GSE1: variants seen among roughly 807,000 people sequenced by gnomAD.
GSE1 encodes Gse1 coiled-coil protein.
GSE1 carries 32 observed loss-of-function variants against 112.6 expected under a neutral mutation model. The observed-to-expected ratio is 0.28, with a 90% CI of 0.21 to 0.38. GSE1 has a LOEUF of 0.38. Ranked by LOEUF, GSE1 falls within the 10% of genes least tolerant of loss-of-function variation. The probability of loss-of-function intolerance (pLI) is 1.00; values close to 1 mark genes in which losing one functional copy is unlikely to be tolerated. For synonymous variants in GSE1, 1,115 were observed against 735.6 expected, an observed-to-expected ratio of 1.52 and a Z score of -8.35; for missense variants, 2,348 against 1,699.2, an observed-to-expected ratio of 1.38 and a Z score of -6.71.
At chr16:85,522,832 G>C (rs930661151) in intron 2 of GSE1, among the ~76,000 whole-genome samples, 3 of 152,056 alleles carry the variant, frequency 2.0e-5, no homozygotes, top group African/African-American at 7.2e-5. Context: ...AGTGTCAGGA[G>C]TGAGTATGTT....
intron 1 of GSE1, among the ~76,000 whole-genome samples, chr16:85,175,913 C>G (rs141929224): frequency 2.0e-5 from 3 of 152,206 alleles, no homozygotes; most frequent in Non-Finnish European, 2.9e-5. Flanking sequence ...GCTAGTAACC[C>G]CAGGACCAGC....
chr16:85,295,028 G>C (rs1340258898), intron 1 of GSE1, among the ~76,000 whole-genome samples: 1 of 152,032 alleles, frequency 6.6e-6, no homozygotes, highest in African/African-American at 2.4e-5. Context: ...TAGGATTACA[G>C]ATGGGAGCTA....
At chr16:85,473,315 C>T (rs2050353381) in intron 2 of GSE1, among the ~76,000 whole-genome samples, 1 of 152,100 alleles carries the variant, frequency 6.6e-6, no homozygotes, top group Non-Finnish European at 1.5e-5. Flanking sequence ...CAAGTTAGTG[C>T]AGGGGCAGGG....
At chr16:85,281,678 G>A (rs1176777320) in intron 1 of GSE1, among the ~76,000 whole-genome samples, 3 of 152,138 alleles carry the variant, frequency 2.0e-5, no homozygotes, top group East Asian at 1.9e-4. Flanking sequence ...CCTGGTCACC[G>A]TGGGCAAAAC....
At chr16:85,549,812 C>T (rs767647461) in intron 2 of GSE1, among the ~76,000 whole-genome samples, 10 of 152,166 alleles carry the variant, frequency 6.6e-5, no homozygotes, top group Non-Finnish European at 1.2e-4. Flanking sequence ...CTTGCCCTTG[C>T]TGAGCGACTT....
Position 85,666,130 on chromosome 16 carries a change from G to T in GSE1, c.2913G>T (p.Gly971=). The change falls in exon 13 of 16, where the codon GGG becomes GGT. Residue 971 remains glycine (G), a synonymous_variant. Transcript: ENST00000253458. ...SRVQELAPAS[G]EKARLSEAPG... ...TCCAGGAGCTAGCTCCTGCCAGCGG[G>T]GAGAAGGCCAGGCTGAGCGAGGCCC... The T allele has an allele frequency of 6.2e-7, 1 of 1,613,314 alleles. No individual in the cohort carries two copies. Among genetic ancestry groups the T allele is most frequent in the Non-Finnish European group, 8.5e-7 (1 of 1,179,968 alleles).
In GSE1 at chr16:85,656,485, G is replaced by GAGA; in HGVS notation, c.1135_1137dup (p.Lys379dup). ...CGAGCAAGAGAAGGAGCGTGAGCGT[G>GAGA]AGAAGGAGCGCGAGCGCGAGCTGGA... On this transcript the variant is annotated inframe_insertion, in exon 7 of 16. Coordinates refer to ENST00000253458, the MANE Select transcript of GSE1 (RefSeq NM_014615.5). 6.5e-7 allele frequency: 1 copy of GAGA among 1,544,350 alleles called. No homozygotes were observed.
intron 1 of GSE1, among the ~76,000 whole-genome samples, chr16:85,196,331 TG>T (rs1486795416): frequency 6.6e-6 from 1 of 152,094 alleles, no homozygotes; most frequent in Non-Finnish European, 1.5e-5. Flanking sequence ...AGTTCCAACT[TG>T]TTCACAAGTT....
intron 1 of GSE1, among the ~76,000 whole-genome samples, chr16:85,310,343 G>A (rs2151479804): frequency 6.6e-6 from 1 of 152,316 alleles, no homozygotes; most frequent in African/African-American, 2.4e-5. Flanking sequence ...CTTAATATGT[G>A]TGAACCAGCT....
At chr16:85,621,458 C>A in intron 1 of GSE1, among the ~76,000 whole-genome samples, 1 of 152,246 alleles carries the variant, frequency 6.6e-6, no homozygotes, top group East Asian at 1.9e-4. Flanking sequence ...TTTTTGAATA[C>A]AGTCTTATCG....
intron 2 of GSE1, among the ~76,000 whole-genome samples, chr16:85,383,535 CTCTCTCTCTCTCTCTCTCTCTCTCTCT>C (rs1383712929): frequency 2.1e-3 from 9 of 4,340 alleles, no homozygotes; most frequent in African/African-American, 5.6e-3. Context: ...GCGTCTCTCT[CTCTCTCTCTCTCTCTCTCTCTCTCTCT>C]CTCTCTCTCT....
chr16:85,584,380 G>A lies in GSE1; in HGVS notation c.37+28017G>A, dbSNP rs184798433. ...GCAAAGATGAAAGCCACAGCCAAGCGGAGCACACCCCGCCTTCCCTCCACG... is the reference window on the plus strand; with the variant it reads ...GCAAAGATGAAAGCCACAGCCAAGCAGAGCACACCCCGCCTTCCCTCCACG... On this transcript the variant is annotated intron_variant, in intron 1 of 2. Transcript: ENST00000635906. 1.2e-4 allele frequency among the ~76,000 whole-genome samples: 19 copies of A among 152,268 alleles called. 1 individual carries two copies. In the East Asian group the frequency reaches 1.7e-3, roughly 14 times the overall value.
At chr16:85,549,776 G>C (rs2044838254) in intron 2 of GSE1, among the ~76,000 whole-genome samples, 1 of 152,220 alleles carries the variant, frequency 6.6e-6, no homozygotes, top group Non-Finnish European at 1.5e-5. Context: ...GAAAGAGAAA[G>C]AGGGTGTGTC....
chr16:85,375,691 G>T (rs968592972), intron 2 of GSE1, among the ~76,000 whole-genome samples: 4 of 151,790 alleles, frequency 2.6e-5, no homozygotes, highest in Admixed American at 2.0e-4. Flanking sequence ...CACCCAGAGC[G>T]CCATGAGCCC....
intron 2 of GSE1, among the ~76,000 whole-genome samples, chr16:85,455,470 G>A (rs1020281161): frequency 4.6e-5 from 7 of 151,992 alleles, no homozygotes; most frequent in Admixed American, 2.0e-4. Context: ...ATGAAGCTGG[G>A]GTGTTGTAAC....
At chr16:85,465,751 C>T (rs182288837) in intron 2 of GSE1, among the ~76,000 whole-genome samples, 130 of 152,328 alleles carry the variant, frequency 8.5e-4, no homozygotes, top group African/African-American at 2.7e-3. Flanking sequence ...TTTTCTCTCC[C>T]TATCAGACAG....
Position 85,673,400 on chromosome 16 carries a change from T to TTTTA in GSE1, c.*862_*865dup, listed in dbSNP as rs1475421803. ...ACTATTGTTATAAAAAGCCTGCCAT[T>TTTTA]TTTAATATGTGGTTTGGGGGATTTT... is the stretch of plus-strand genomic sequence containing the variant. On this transcript the variant is annotated 3_prime_UTR_variant, in exon 16 of 16. Transcript: ENST00000253458. 1 of 152,524 alleles carries TTTTA rather than the reference T, an allele frequency of 6.6e-6. No individual in the cohort carries two copies. Among genetic ancestry groups the TTTTA allele is most frequent in the Non-Finnish European group, 1.5e-5 (1 of 68,008 alleles). 9.4% of individuals were successfully genotyped at this position (152,524 alleles called of 1,614,324 possible). A position where few individuals can be genotyped will look rare whatever the true frequency, so the allele number is the denominator to read the frequency against.
exon 1 of GSE1, chr16:85,170,833 G>A: frequency 1.0e-6 from 1 of 985,564 alleles, no homozygotes. Flanking sequence ...GCAGAGCTTC[G>A]AGCTGGCCAA....
At chr16:85,383,968 C>T (rs1279483611) in intron 2 of GSE1, among the ~76,000 whole-genome samples, 4 of 152,176 alleles carry the variant, frequency 2.6e-5, no homozygotes, top group East Asian at 3.8e-4. Context: ...GGGGCTTGGC[C>T]GCCACCCCTG....
Sources: gnomAD v4.1 joint callset for allele counts (sites outside exome capture counted in the v4.1 genomes callset) on GRCh38, gnomAD v4.1.1 for gene constraint, MANE v1.5 for transcripts, NCBI Gene and HGNC (gene_info 2026-07-23, HGNC 2026-07-21) for gene names.